DOCK2: variants seen among roughly 807,000 people sequenced by gnomAD.
DOCK2 encodes the protein dedicator of cytokinesis 2.
DOCK2 carries 87 observed loss-of-function variants against 248.9 expected under a neutral mutation model. That is an observed-to-expected ratio of 0.35 (90% CI 0.29 to 0.42). DOCK2 has a LOEUF of 0.42. DOCK2 is among the 10% of genes least tolerant of loss of function. DOCK2 has a pLI of 1.00. For synonymous variants in DOCK2, 805 were observed against 821.6 expected (o/e 0.98, Z 0.35); for missense variants, 1,747 against 2,300.2 (o/e 0.76, Z 4.92).
chr5:169,954,077 G>GGA (rs1195870434), intron 27 of DOCK2, among the ~76,000 whole-genome samples: 2 of 152,104 alleles, frequency 1.3e-5, no homozygotes, highest in African/African-American at 4.8e-5. Flanking sequence ...TCTTCCTTTT[G>GGA]GAGATTTCAC....
rs772373702 is a variant in DOCK2, at chr5:169,689,238, T to G, written c.762-14T>G. The G allele has an allele frequency of 6.2e-7, 1 of 1,613,880 alleles. No homozygotes were observed. The highest frequency in any genetic ancestry group is 8.5e-7 in the Non-Finnish European group (1 of 1,179,846). ...TCCCTTGGCAGTAACGGGCTGCCAC[T>G]CTTCTTCCCACAGTGAGAACTACCT... On this transcript the variant is annotated splice_polypyrimidine_tract_variant and intron_variant, in intron 8 of 51. Transcript: ENST00000520908.
chr5:169,903,155 T>A (rs1490406614), intron 27 of DOCK2, among the ~76,000 whole-genome samples: 1 of 151,196 alleles, frequency 6.6e-6, no homozygotes, highest in Non-Finnish European at 1.5e-5. Context: ...TGCATATCTG[T>A]AGTCTCAGCT....
intron 22 of DOCK2, among the ~76,000 whole-genome samples, chr5:169,725,668 C>T (rs112125675): frequency 0.043 from 6,235 of 146,564 alleles, 163 homozygotes; most frequent in African/African-American, 0.081. Context: ...GCCCCCAACC[C>T]CCGACAGGCC....
intron 27 of DOCK2, among the ~76,000 whole-genome samples, chr5:169,921,843 T>C (rs2113653265): frequency 6.6e-6 from 1 of 152,346 alleles, no homozygotes; most frequent in Middle Eastern, 3.4e-3. Context: ...AATTGAATAG[T>C]GCACAAATAC....
Position 169,853,804 on chromosome 5 carries a change from C to CTTTTTTTTTTTTTTTTTTTTT in DOCK2, c.2799+12977_2799+12997dup, listed in dbSNP as rs67124138. Among the ~76,000 whole-genome samples the CTTTTTTTTTTTTTTTTTTTTT allele has an allele frequency of 8.8e-5, 5 of 56,858 alleles. 2 individuals are homozygous for CTTTTTTTTTTTTTTTTTTTTT. Among genetic ancestry groups the CTTTTTTTTTTTTTTTTTTTTT allele is most frequent in the African/African-American group, 4.0e-4 (5 of 12,450 alleles). The allele number at this position is 56,858 out of a possible 152,430, so 37.3% of individuals were successfully genotyped here. A position where few individuals can be genotyped will look rare whatever the true frequency, so the allele number is the denominator to read the frequency against. ...TTCCTTCTATAATCAGGAAAAACAA[C>CTTTTTTTTTTTTTTTTTTTTT]TTTTTTTTTTTTTTTTTTTTTTTTT... is the stretch of plus-strand genomic sequence containing the variant. On this transcript the variant is annotated intron_variant, in intron 27 of 51. Transcript: ENST00000520908.
chr5:169,870,428 G>A (rs1475946904), intron 27 of DOCK2, among the ~76,000 whole-genome samples: 1 of 152,174 alleles, frequency 6.6e-6, no homozygotes, highest in African/African-American at 2.4e-5. Flanking sequence ...AACAGAGCGA[G>A]GTTCTGGATG....
In DOCK2 at chr5:170,069,129, C is replaced by T; in HGVS notation, c.4645-8C>T. The T allele has an allele frequency of 2.5e-6, 4 of 1,613,124 alleles. No homozygotes were observed. The highest frequency in any genetic ancestry group is 2.5e-6 in the Non-Finnish European group (3 of 1,179,534). Reference sequence around the variant, plus strand: ...AGGAAACCCTGACCTCCTATCTGTCCTCCCCAGGCCTTCTTCACTGAAGAG... The same window carrying T: ...AGGAAACCCTGACCTCCTATCTGTCTTCCCCAGGCCTTCTTCACTGAAGAG... On this transcript the variant is annotated splice_region_variant and splice_polypyrimidine_tract_variant and intron_variant, in intron 45 of 51. Coordinates refer to ENST00000520908, the MANE Select transcript of DOCK2 (RefSeq NM_004946.3).
chr5:169,815,936 T>A (rs1034282810), intron 26 of DOCK2, among the ~76,000 whole-genome samples: 6 of 152,302 alleles, frequency 3.9e-5, no homozygotes, highest in Middle Eastern at 3.4e-3. Context: ...AACCCTTGCA[T>A]AAAAGCACTA....
At chr5:169,914,564 A>G (rs185389630) in intron 27 of DOCK2, among the ~76,000 whole-genome samples, 37 of 152,362 alleles carry the variant, frequency 2.4e-4, no homozygotes, top group African/African-American at 8.9e-4. Flanking sequence ...GGAAATGGTT[A>G]TATCTAATCT....
chr5:170,067,985 G>A (rs1000134922), intron 45 of DOCK2, among the ~76,000 whole-genome samples: 4 of 152,194 alleles, frequency 2.6e-5, no homozygotes, highest in African/African-American at 9.7e-5. Context: ...ATTAAGGAAA[G>A]GCTCTGGGAT....
At chr5:169,788,693 G>A (rs1766140390) in intron 25 of DOCK2, among the ~76,000 whole-genome samples, 1 of 152,020 alleles carries the variant, frequency 6.6e-6, no homozygotes, top group Non-Finnish European at 1.5e-5. Context: ...ATTCTTTTTG[G>A]ACTAAGGTAA....
intron 27 of DOCK2, chr5:169,980,861 C>G (rs1777915963): frequency 6.6e-6 from 1 of 152,214 alleles, no homozygotes; most frequent in Non-Finnish European, 1.5e-5. Context: ...GCCTGCCACC[C>G]AGTGTAGAGG....
At chr5:169,654,949 G>C (rs1655002432) in intron 2 of DOCK2, among the ~76,000 whole-genome samples, 1 of 152,224 alleles carries the variant, frequency 6.6e-6, no homozygotes, top group Non-Finnish European at 1.5e-5. Flanking sequence ...TGGGAGCCCT[G>C]TCTTGGGCAA....
chr5:169,714,263 T>G (rs1285509594), intron 18 of DOCK2, 52 bp downstream of exon 18: 1 of 1,603,880 alleles, frequency 6.2e-7, no homozygotes, highest in Admixed American at 1.7e-5. Flanking sequence ...TGTCCGTGTG[T>G]GTGTACATGT....
At chr5:169,946,632 C>G (rs1776462323) in intron 27 of DOCK2, among the ~76,000 whole-genome samples, 1 of 152,164 alleles carries the variant, frequency 6.6e-6, no homozygotes, top group Non-Finnish European at 1.5e-5. Context: ...GTGTATCAGC[C>G]ACTGTTTCAA....
At chr5:170,074,321 A>G (rs1757773198) in intron 46 of DOCK2, among the ~76,000 whole-genome samples, 1 of 150,868 alleles carries the variant, frequency 6.6e-6, no homozygotes, top group Admixed American at 6.6e-5. Context: ...TTTCTTCCCT[A>G]TCTGTTGGTC....
intron 27 of DOCK2, chr5:169,881,527 C>CT (rs1300299824): frequency 9.8e-7 from 1 of 1,022,594 alleles, no homozygotes; most frequent in African/African-American, 1.6e-5. Flanking sequence ...CCCTTAGTCC[C>CT]TATAGCACAG....
intron 1 of DOCK2, among the ~76,000 whole-genome samples, chr5:169,638,807 A>G (rs1197297038): frequency 6.6e-6 from 1 of 152,088 alleles, no homozygotes; most frequent in African/African-American, 2.4e-5. Context: ...ATTATTCCCA[A>G]CTTACAGGTG....
rs567587291 is a variant in DOCK2 at position 169,886,230 on chromosome 5, G to A, written c.2799+45378G>A. On this transcript the variant is annotated intron_variant, in intron 27 of 51. Transcript: ENST00000520908. The stretch of plus-strand genomic sequence containing the variant: ...CAGAATGAGCAGAGTTTCATGAGCA[G>A]GTGGTTCCTCATTTGCCTTGCCTGT... 5.3e-4 allele frequency among the ~76,000 whole-genome samples: 80 copies of A among 152,340 alleles called. 1 individual carries two copies. The highest frequency in any genetic ancestry group is 1.9e-3 in the African/African-American group (78 of 41,570).
Sources: gnomAD v4.1 joint callset for allele counts (sites outside exome capture counted in the v4.1 genomes callset) on GRCh38, gnomAD v4.1.1 for gene constraint, MANE v1.5 for transcripts, NCBI Gene and HGNC (gene_info 2026-07-23, HGNC 2026-07-21) for gene names.